FOXP4: variants seen among roughly 807,000 people sequenced by gnomAD.
The protein encoded by FOXP4 is forkhead box protein P4.
Under a neutral mutation model 82.6 loss-of-function variants are expected in FOXP4, and 25 were observed. The observed-to-expected ratio is 0.30, with a 90% confidence interval of 0.22 to 0.42. The LOEUF is 0.42. FOXP4 is among the 10% of genes least tolerant of loss of function. FOXP4 has a pLI of 1.00. For synonymous variants in FOXP4, 415 were observed against 388.2 expected, an observed-to-expected ratio of 1.07 and a Z score of -0.81; for missense variants, 785 against 900.9, an observed-to-expected ratio of 0.87 and a Z score of 1.65.
chr6:41,585,010 C>A, intron 4 of FOXP4, 119 bp downstream of exon 4: 1 of 1,332,978 alleles, frequency 7.5e-7, no homozygotes, highest in Non-Finnish European at 1.0e-6. Flanking sequence ...CTGCTCAGGC[C>A]AGACTGATCT....
chr6:41,585,292 C>T, intron 4 of FOXP4, 139 bp from the exon 5 acceptor site: 3 of 837,074 alleles, frequency 3.6e-6, no homozygotes, highest in South Asian at 3.5e-5. Flanking sequence ...GCTCAGGGCC[C>T]CTCCAGGCTG....
At chr6:41,597,303 A>G in intron 15 of FOXP4, 61 bp downstream of exon 15, 1 of 1,549,026 alleles carries the variant, frequency 6.5e-7, no homozygotes, top group Non-Finnish European at 8.9e-7. Flanking sequence ...TTCTCATACA[A>G]GAGACCCCCA....
chr6:41,567,492 C>G (rs1012517177), intron 2 of FOXP4, among the ~76,000 whole-genome samples: 22 of 152,326 alleles, frequency 1.4e-4, no homozygotes, highest in African/African-American at 5.1e-4. Context: ...GGGCAATATC[C>G]TAACCTTTAC....
chr6:41,561,852 G>A (rs996084937), intron 1 of FOXP4, among the ~76,000 whole-genome samples: 10 of 152,212 alleles, frequency 6.6e-5, no homozygotes, highest in Non-Finnish European at 7.3e-5. Context: ...CAGAGAAAAG[G>A]GAAGGCAGAG....
rs1766405943 is a variant in FOXP4 at position 41,590,003 on chromosome 6, C to T, written c.1190C>T (p.Thr397Ile). 1 of 1,614,002 alleles carries T rather than the reference C, an allele frequency of 6.2e-7. No homozygotes were observed. Among genetic ancestry groups the T allele is most frequent in the Non-Finnish European group, 8.5e-7 (1 of 1,179,992 alleles). Residue 397 changes from threonine to isoleucine, a missense_variant, in exon 11 of 17, where the codon ACC becomes ATC. Physicochemically the swap from Thr to Ile is moderately conservative, Grantham distance 89. Coordinates refer to ENST00000307972, the MANE Select transcript of FOXP4 (RefSeq NM_001012426.2). ...GGCTCCTCCTCATTCTCCAAGGTGA[C>T]CGTCTCTGCAGCAGACTCATTCCCA... ...VPGSSSFSKV[T>I]VSAADSFPDG...
intron 2 of FOXP4, among the ~76,000 whole-genome samples, chr6:41,568,946 G>A (rs1337930418): frequency 5.3e-5 from 8 of 152,204 alleles, no homozygotes. Context: ...AGCAGGCTGG[G>A]AGCTTGTTTA....
rs144361372 is a variant in FOXP4 at position 41,582,862 on chromosome 6, C to G, written c.301-1907C>G. 4.3e-3 allele frequency among the ~76,000 whole-genome samples: 656 copies of G among 152,280 alleles called. 3 individuals are homozygous for G. The highest frequency in any genetic ancestry group is 0.015 in the African/African-American group (615 of 41,548). ...GGACGTCCCACCTCCACATTCTCTC[C>G]CTAACCCTTCCCAAGACCTGCCCTG... On this transcript the variant is annotated intron_variant, in intron 3 of 16. Coordinates refer to ENST00000307972, the MANE Select transcript of FOXP4 (RefSeq NM_001012426.2).
At chr6:41,598,666 G>A (rs1166308597) in intron 16 of FOXP4, 123 bp from the exon 17 acceptor site, 3 of 1,399,822 alleles carry the variant, frequency 2.1e-6, no homozygotes, top group Admixed American at 2.1e-5. Flanking sequence ...GGTCTGATGG[G>A]ATCCTGGGGA....
At chr6:41,586,579 C>T (rs1354249580) in intron 5 of FOXP4, among the ~76,000 whole-genome samples, 2 of 152,218 alleles carry the variant, frequency 1.3e-5, no homozygotes, top group Non-Finnish European at 2.9e-5. Context: ...AAAACTCCCT[C>T]CCCAGAGCAG....
intron 2 of FOXP4, 65 bp from the exon 3 acceptor site, chr6:41,577,921 A>T (rs1373060597): frequency 1.6e-6 from 2 of 1,218,772 alleles, no homozygotes; most frequent in Non-Finnish European, 2.4e-6. Flanking sequence ...TGCCCCAAAC[A>T]CTCCCTAATC....
chr6:41,588,465 GGCTGAC>G, intron 8 of FOXP4, among the ~76,000 whole-genome samples, 173 bp from the exon 9 acceptor site: 1 of 152,234 alleles, frequency 6.6e-6, no homozygotes, highest in East Asian at 1.9e-4. Flanking sequence ...CATCAAAGGA[GGCTGAC>G]GAGAAGGGAG....
In FOXP4 at chr6:41,589,996, A is replaced by G; in HGVS notation, c.1183A>G (p.Lys395Glu). 1 of 1,613,702 alleles carries G rather than the reference A, an allele frequency of 6.2e-7. No individual in the cohort carries two copies. The highest frequency in any genetic ancestry group is 8.5e-7 in the Non-Finnish European group (1 of 1,179,916). ...NPVPGSSSFS[K>E]VTVSAADSFP... The stretch of plus-strand genomic sequence containing the variant: ...GGTCCCCGGCTCCTCCTCATTCTCC[A>G]AGGTGACCGTCTCTGCAGCAGACTC... The change falls in exon 11 of 17, where the codon AAG becomes GAG. Residue 395 changes from lysine (K) to glutamate (E), a missense_variant. This residue lies in a region of FOXP4 where 570 missense variants were observed against 634.0 expected (regional missense o/e 0.90). Transcript: ENST00000307972.
At chr6:41,597,674 G>A in intron 15 of FOXP4, 107 bp from the exon 16 acceptor site, 5 of 1,385,930 alleles carry the variant, frequency 3.6e-6, no homozygotes, top group Non-Finnish European at 4.9e-6. Context: ...GGGGCCAGTA[G>A]GCAGACACAC....
In FOXP4 at chr6:41,595,108, A is replaced by C. The variant is rs995378114; in HGVS notation, c.1658+117A>C. 2.2e-5 allele frequency: 33 copies of C among 1,485,564 alleles called. No individual in the cohort carries two copies. The Middle Eastern group carries it at 6.9e-4, about 31-fold the overall frequency. The allele number at this position is 1,485,564 out of a possible 1,614,324, so 92.0% of individuals were successfully genotyped here. On this transcript the variant is annotated intron_variant, in intron 14 of 16. Transcript: ENST00000307972. ...CACCAGATCCTTCCTGGCTGGGGGA[A>C]GGGGTGTGGGGAGAAAGGAGCAGAG...
intron 1 of FOXP4, among the ~76,000 whole-genome samples, chr6:41,557,772 A>G (rs781131671): frequency 6.6e-6 from 1 of 152,200 alleles, no homozygotes; most frequent in Non-Finnish European, 1.5e-5. Flanking sequence ...TAGGATTATG[A>G]GTACTCTATT....
chr6:41,585,439 G>A lies in FOXP4; in HGVS notation c.432G>A (p.Glu144=), dbSNP rs1176108803. Residue 144 remains glutamate, a synonymous_variant, in exon 5 of 17, where the codon GAG becomes GAA. Coordinates refer to ENST00000307972, the MANE Select transcript of FOXP4 (RefSeq NM_001012426.2). ...QQALMLQQLQ[E]YYKKQQEQLH... ...CTCCTCCACCCCCCCAGCTACAGGA[G>A]TACTACAAGAAGCAGCAGGAGCAGC... 6.2e-7 allele frequency: 1 copy of A among 1,613,790 alleles called. No individual in the cohort carries two copies. The highest frequency in any genetic ancestry group is 8.5e-7 in the Non-Finnish European group (1 of 1,179,850).
At chr6:41,560,142 A>T (rs1764484651) in intron 1 of FOXP4, among the ~76,000 whole-genome samples, 1 of 152,066 alleles carries the variant, frequency 6.6e-6, no homozygotes, top group South Asian at 2.1e-4. Context: ...GCTCCAAGTC[A>T]CTCTAGTAGG....
intron 1 of FOXP4, among the ~76,000 whole-genome samples, chr6:41,555,004 G>A (rs1405069866): frequency 6.6e-6 from 1 of 152,160 alleles, no homozygotes; most frequent in East Asian, 1.9e-4. Flanking sequence ...TGTAATCCCA[G>A]CACTTGGGAG....
intron 1 of FOXP4, among the ~76,000 whole-genome samples, chr6:41,556,292 C>T (rs1047127705): frequency 4.7e-5 from 7 of 149,592 alleles, no homozygotes; most frequent in Non-Finnish European, 1.0e-4. Flanking sequence ...GAGGGAGGGG[C>T]TATAGGAAAG....
Sources: gnomAD v4.1 joint callset for allele counts (sites outside exome capture counted in the v4.1 genomes callset) on GRCh38, gnomAD v4.1.1 for gene constraint, gnomAD v4.1.1 regional missense constraint, MANE v1.5 for transcripts, NCBI Gene and HGNC (gene_info 2026-07-23, HGNC 2026-07-21) for gene names.